CLUH: variants seen among roughly 807,000 people sequenced by gnomAD.
CLUH encodes clustered mitochondria protein homolog.
A neutral mutation model predicts 139.3 loss-of-function variants in CLUH; 77 were observed. That is an observed-to-expected ratio of 0.55 (90% CI 0.46 to 0.67). CLUH has a LOEUF of 0.67. CLUH is among the 30% of genes least tolerant of loss of function. CLUH has a pLI of 0.00. For missense variants in CLUH, 1,876 were observed against 1,875.8 expected (o/e 1.00, Z 0.00); for synonymous variants, 999 against 801.6 (o/e 1.25, Z -4.16).
At chr17:2,705,214 A>G (rs2070317260) in intron 1 of CLUH, among the ~76,000 whole-genome samples, 1 of 151,988 alleles carries the variant, frequency 6.6e-6, no homozygotes, top group Non-Finnish European at 1.5e-5. Flanking sequence ...TTCCTCCTCA[A>G]ACTGGCACCT....
chr17:2,692,373 T>C lies in CLUH; in HGVS notation c.3548A>G (p.Lys1183Arg), dbSNP rs771077108. The C allele has an allele frequency of 1.9e-5, 30 of 1,585,674 alleles. No homozygotes were observed. In the Admixed American group the frequency reaches 4.6e-4, roughly 25 times the overall value. The change falls in exon 22 of 26, where the codon AAG becomes AGG. Residue 1183 changes from lysine to arginine, a missense_variant. This residue lies in a region of CLUH where 1,454 missense variants were observed against 1,384.4 expected (regional missense o/e 1.05). Coordinates refer to ENST00000651024, the MANE Select transcript of CLUH (RefSeq NM_001366661.1). Reference protein sequence around the residue: ...STKYHGPKALKVALSHHLVAR... With the variant: ...STKYHGPKALRVALSHHLVAR... ...GGCGGCCCCTCACCTGAGGGCCACC[T>C]TGAGGGCCTTGGGCCCGTGGTACTT...
Position 2,704,630 on chromosome 17 carries a change from C to A in CLUH, c.101-66G>T. 7.0e-7 allele frequency: 1 copy of A among 1,432,794 alleles called. No homozygotes were observed. The highest frequency in any genetic ancestry group is 1.3e-5 in the South Asian group (1 of 75,128). The allele number at this position is 1,432,794 out of a possible 1,614,324, so 88.8% of individuals were successfully genotyped here. ...TGGTCGGCGGGGCTGTCCGCCTGAC[C>A]CCACACGGGGACACGTGCCTTCTGG... On this transcript the variant is annotated intron_variant, in intron 1 of 25. Transcript: ENST00000651024. This position sits in a 1 kb window ranked among gnomAD's most constrained non-coding sequence, Gnocchi z 5.7.
Position 2,698,323 on chromosome 17 carries a change from C to T in CLUH, c.1534G>A (p.Val512Met). The T allele has an allele frequency of 6.2e-7, 1 of 1,613,054 alleles. No individual in the cohort carries two copies. Among genetic ancestry groups the T allele is most frequent in the Non-Finnish European group, 8.5e-7 (1 of 1,179,746 alleles). ...ACCCGGTAGCCGCGGTAATCCACCA[C>T]CACCGTGCCCAGCGTGTACAGCCCC... ...VEGLYTLGTV[V>M]VDYRGYRVTA... The change falls in exon 10 of 26, where the codon GTG becomes ATG. Residue 512 changes from valine to methionine, a missense_variant. Val to Met is a conservative substitution (Grantham distance 21). Around this residue, in one of 3 missense-constraint regions of CLUH, gnomAD observed 1,454 missense variants for 1,384.4 expected, o/e 1.05. Coordinates refer to ENST00000651024, the MANE Select transcript of CLUH (RefSeq NM_001366661.1).
At chr17:2,693,783 A>G in intron 19 of CLUH, 117 bp downstream of exon 19, 3 of 1,335,862 alleles carry the variant, frequency 2.2e-6, no homozygotes, top group Non-Finnish European at 3.0e-6. Flanking sequence ...TGGCCTGGGC[A>G]GAACCAGCGA....
In CLUH at chr17:2,692,439, A is replaced by C; in HGVS notation, c.3482T>G (p.Leu1161Arg). The change falls in exon 22 of 26, where the codon CTG becomes CGG. Residue 1161 changes from leucine to arginine, a missense_variant. Leu to Arg is a moderately radical substitution (Grantham distance 102). Around this residue, in one of 3 missense-constraint regions of CLUH, gnomAD observed 1,454 missense variants for 1,384.4 expected, o/e 1.05. Coordinates refer to ENST00000651024, the MANE Select transcript of CLUH (RefSeq NM_001366661.1). ...LVLHGVMEYD[L>R]SLRFLENALA... is the part of the protein sequence containing the mutation. The stretch of plus-strand genomic sequence containing the variant: ...CGCGTTCTCCAGGAAGCGCAGCGAC[A>C]GGTCGTACTCCATCACCCCGTGCAG... 1 of 1,600,400 alleles carries C rather than the reference A, an allele frequency of 6.2e-7. No individual in the cohort carries two copies.
Position 2,695,253 on chromosome 17 carries a change from G to A in CLUH, c.2572C>T (p.Arg858Cys), listed in dbSNP as rs760076057. Residue 858 changes from arginine to cysteine, a missense_variant, in exon 15 of 26, where the codon CGC (arginine) becomes TGC (cysteine). Arg to Cys is a radical substitution (Grantham distance 180). This residue lies in a region of CLUH where 1,454 missense variants were observed against 1,384.4 expected (regional missense o/e 1.05). Coordinates refer to ENST00000651024, the MANE Select transcript of CLUH (RefSeq NM_001366661.1). ...GTCTTGAAGATGTGCTTGGCCGAGC[G>A]GGTGATGAGTTCTCCAATGCCGATT... ...FKIGIGELITRSAKHIFKTYL... is the reference protein window; with the variant it reads ...FKIGIGELITCSAKHIFKTYL... The A allele has an allele frequency of 1.9e-6, 3 of 1,613,922 alleles. No homozygotes were observed. Among genetic ancestry groups the A allele is most frequent in the Non-Finnish European group, 2.5e-6 (3 of 1,179,862 alleles).
chr17:2,705,417 C>T (rs757998501), intron 1 of CLUH, among the ~76,000 whole-genome samples: 1 of 152,124 alleles, frequency 6.6e-6, no homozygotes, highest in Non-Finnish European at 1.5e-5. Flanking sequence ...AGCCTCAGCT[C>T]CTGCCTGCTC....
chr17:2,691,969 C>CA, intron 23 of CLUH, 35 bp downstream of exon 23: 2 of 710,992 alleles, frequency 2.8e-6, no homozygotes, highest in East Asian at 7.4e-5. Context: ...ACGCCCCCGC[C>CA]CCGCCCCCGC....
At chr17:2,710,524 G>C (rs1309368165) in intron 1 of CLUH, among the ~76,000 whole-genome samples, 1 of 152,236 alleles carries the variant, frequency 6.6e-6, no homozygotes. Context: ...ACAGTCGACG[G>C]AGGAGGGAGG....
At chr17:2,708,936 T>A (rs1009996584) in intron 1 of CLUH, among the ~76,000 whole-genome samples, 1 of 149,708 alleles carries the variant, frequency 6.7e-6, no homozygotes, top group Non-Finnish European at 1.5e-5. Context: ...TACTCCCTCC[T>A]CTCATAGTCC....
At chr17:2,697,683 G>T (rs574345653) in intron 10 of CLUH, among the ~76,000 whole-genome samples, 5 of 152,172 alleles carry the variant, frequency 3.3e-5, no homozygotes, top group Non-Finnish European at 7.3e-5. Flanking sequence ...CACATTACCC[G>T]CCTGGCTGCT....
Position 2,710,770 on chromosome 17 carries a change from G to T in CLUH, c.100+792C>A, listed in dbSNP as rs543362354. Among the ~76,000 whole-genome samples the T allele has an allele frequency of 2.0e-5, 3 of 152,280 alleles. No homozygotes were observed. In the East Asian group the frequency reaches 5.8e-4, roughly 29 times the overall value. On this transcript the variant is annotated intron_variant, in intron 1 of 25. Coordinates refer to ENST00000651024, the MANE Select transcript of CLUH (RefSeq NM_001366661.1). ...CACCATACAGCCCCCATGGGGGATC[G>T]CTGGGAGCTTGACTCCACACTAACG... is the stretch of plus-strand genomic sequence containing the variant.
rs2070391020 is a variant in CLUH, at chr17:2,707,782, C to A, written c.101-3218G>T. ...CCCACCAGTCCCAGACACTGAGCAC[C>A]CCACTGTCCCTGGGCCAAGGGCCTG... is the stretch of plus-strand genomic sequence containing the variant. On this transcript the variant is annotated intron_variant, in intron 1 of 25. Coordinates refer to ENST00000651024, the MANE Select transcript of CLUH (RefSeq NM_001366661.1). The surrounding 1 kb of genome is among the most constrained non-coding windows in gnomAD (Gnocchi z 7.4). 1.0e-6 allele frequency: 1 copy of A among 985,346 alleles called. No homozygotes were observed. Among genetic ancestry groups the A allele is most frequent in the South Asian group, 4.7e-5 (1 of 21,296 alleles). 61.0% of individuals were successfully genotyped at this position (985,346 alleles called of 1,614,324 possible).
rs116846759 is a variant in CLUH at position 2,707,194 on chromosome 17, C to T, written c.101-2630G>A. 30 of 985,460 alleles carry T rather than the reference C, an allele frequency of 3.0e-5. No individual in the cohort carries two copies. The highest frequency in any genetic ancestry group is 3.6e-5 in the Non-Finnish European group (30 of 829,920). The allele number at this position is 985,460 out of a possible 1,614,324, so 61.0% of individuals were successfully genotyped here. On this transcript the variant is annotated intron_variant, in intron 1 of 25. Transcript: ENST00000651024. This position sits in a 1 kb window ranked among gnomAD's most constrained non-coding sequence, Gnocchi z 7.4. ...TCACCTGGTGCAGTTGGCAGCTGCCCTCCCCTCGGCTCTGGAGTCTCAGGA... is the reference window on the plus strand; with the variant it reads ...TCACCTGGTGCAGTTGGCAGCTGCCTTCCCCTCGGCTCTGGAGTCTCAGGA...
In CLUH at chr17:2,694,534, G is replaced by A. The variant is rs376225252; in HGVS notation, c.2883C>T (p.Tyr961=). 4.1e-5 allele frequency: 65 copies of A among 1,582,632 alleles called. No individual in the cohort carries two copies. In the African/African-American group the frequency reaches 6.2e-4, roughly 15 times the overall value. The change falls in exon 17 of 26, where the codon TAC becomes TAT. Residue 961 remains tyrosine (Y), a synonymous_variant. Transcript: ENST00000651024. ...GCAGGAGCGTTATCTTCTGCAGGCC[G>A]TAGGTCTCCACAGCCTGGTCCACGG... ...CETVDQAVET[Y]GLQKITLLRE... is the part of the protein sequence containing the mutation.
rs749199613 is a variant in CLUH, at chr17:2,691,641, G to A, written c.3831C>T (p.Asn1277=). 3.7e-6 allele frequency: 6 copies of A among 1,612,714 alleles called. No homozygotes were observed. Among genetic ancestry groups the A allele is most frequent in the East Asian group, 2.2e-5 (1 of 44,792 alleles). ...PSMASVLEQL[N]VINGILFIPL... ...GAATGAAGAGGATGCCGTTAATGAC[G>A]TTCAGCTGCTCCAAGACGCTGGCCA... is the stretch of plus-strand genomic sequence containing the variant. The change falls in exon 25 of 26, where the codon AAC becomes AAT. Residue 1277 remains asparagine, a synonymous_variant. Transcript: ENST00000651024.
chr17:2,693,141 CAAAAA>C (rs71377528), intron 19 of CLUH, among the ~76,000 whole-genome samples: 2 of 73,784 alleles, frequency 2.7e-5, no homozygotes, highest in African/African-American at 6.0e-5. Context: ...AAAAATGTTA[CAAAAA>C]AAAAAAAAAA....
chr17:2,690,668 G>T lies in CLUH; in HGVS notation c.3973C>A (p.Pro1325Thr). Residue 1325 changes from proline to threonine, a missense_variant, in exon 26 of 26, where the codon CCA becomes ACA. Pro to Thr is a conservative substitution (Grantham distance 38). Around this residue, in one of 3 missense-constraint regions of CLUH, gnomAD observed 1,454 missense variants for 1,384.4 expected, o/e 1.05. Transcript: ENST00000651024. ...CCCAGGTCTCCTGGGGCCCCCGCTG[G>T]CGCGGGCTCGGTAGCCATGGGCTCC... The part of the protein sequence containing the change: ...AEEPMATEPA[P>T]AGAPGDLGSQ... 6.4e-7 allele frequency: 1 copy of T among 1,551,424 alleles called. No individual in the cohort carries two copies. The highest frequency in any genetic ancestry group is 8.7e-7 in the Non-Finnish European group (1 of 1,155,826).
rs754341601 is a variant in CLUH at position 2,691,600 on chromosome 17, A to G, written c.3863+9T>C. ...ACCGGGAGACACTCGAGTGGGGCGG[A>G]GGCCTCACCTGAGAGGAATGAAGAG... On this transcript the variant is annotated intron_variant, in intron 25 of 25. Transcript: ENST00000651024. 24 of 1,610,988 alleles carry G rather than the reference A, an allele frequency of 1.5e-5. No homozygotes were observed. The highest frequency in any genetic ancestry group is 2.0e-5 in the Non-Finnish European group (23 of 1,178,628).
Sources: allele counts gnomAD v4.1 joint callset (sites outside exome capture counted in the v4.1 genomes callset), GRCh38; gene constraint gnomAD v4.1.1; regional missense constraint gnomAD v4.1.1; non-coding constraint Gnocchi (gnomAD v3.1); transcripts MANE v1.5; gene names NCBI Gene and HGNC (gene_info 2026-07-23, HGNC 2026-07-21).